The following TG variants were observed in gnomAD, a reference collection of about 807,000 sequenced individuals.
The protein encoded by TG is thyroid hormones.
In TG, 270 loss-of-function variants were observed where a neutral mutation model predicts 324.7. The ratio of observed to expected loss-of-function variants is 0.83; its 90% confidence interval spans 0.75 to 0.92. TG has a LOEUF of 0.92. Ranked by LOEUF, TG falls within the 40% of genes least tolerant of loss-of-function variation. The pLI, the probability that TG is intolerant of heterozygous loss-of-function variation, is 0.00. For missense variants in TG, 3,591 were observed against 3,456.4 expected, an observed-to-expected ratio of 1.04 and a Z score of -0.98; for synonymous variants, 1,401 against 1,327.0, an observed-to-expected ratio of 1.06 and a Z score of -1.21.
chr8:132,982,316 G>A (rs1413933929), intron 34 of TG, among the ~76,000 whole-genome samples: 4 of 152,150 alleles, frequency 2.6e-5, no homozygotes, highest in South Asian at 2.1e-4. Context: ...CTACATTGCC[G>A]CAGCTCCCTG....
Position 132,969,457 on chromosome 8 carries a change from G to A in TG, c.5864-1G>A, listed in dbSNP as rs202044661. ...TGTATTTTCTTTCTTCCTCTATGAAGTTATACTGGAAGATAAAGTGAAGAA... is the reference window on the plus strand; with the variant it reads ...TGTATTTTCTTTCTTCCTCTATGAAATTATACTGGAAGATAAAGTGAAGAA... On this transcript the variant is annotated splice_acceptor_variant, in intron 31 of 47. Transcript: ENST00000220616. LOFTEE classifies it high-confidence loss of function. The A allele has an allele frequency of 4.4e-6, 7 of 1,600,410 alleles. No individual in the cohort carries two copies. Among genetic ancestry groups the A allele is most frequent in the Non-Finnish European group, 5.1e-6 (6 of 1,167,762 alleles).
intron 16 of TG, 56 bp from the exon 17 acceptor site, chr8:132,906,632 T>C: frequency 1.3e-6 from 2 of 1,599,828 alleles, no homozygotes; most frequent in Non-Finnish European, 1.7e-6. Flanking sequence ...GCAGGCATGC[T>C]CAGTCGTCCC....
intron 40 of TG, among the ~76,000 whole-genome samples, chr8:133,028,398 G>T (rs560760299): frequency 1.1e-4 from 17 of 152,348 alleles, no homozygotes; most frequent in African/African-American, 3.8e-4. Flanking sequence ...CATCTCCACA[G>T]CTGGAAGAAT....
At chr8:133,068,999 A>G (rs1843537398) in intron 41 of TG, among the ~76,000 whole-genome samples, 1 of 152,266 alleles carries the variant, frequency 6.6e-6, no homozygotes, top group Non-Finnish European at 1.5e-5. Context: ...TTGGCAATGA[A>G]GAAAGAGTGG....
chr8:133,047,972 G>T, intron 41 of TG: 1 of 1,317,692 alleles, frequency 7.6e-7, no homozygotes, highest in Non-Finnish European at 1.1e-6. Flanking sequence ...TCCGGAACAA[G>T]CCCTCCCCCA....
At chr8:132,929,537 A>G (rs930894757) in intron 23 of TG, among the ~76,000 whole-genome samples, 6 of 152,194 alleles carry the variant, frequency 3.9e-5, no homozygotes, top group Admixed American at 3.3e-4. Flanking sequence ...TTATTGAGCA[A>G]TGTATGTTTA....
chr8:133,127,366 C>T (rs1305441472), intron 45 of TG, among the ~76,000 whole-genome samples: 3 of 152,180 alleles, frequency 2.0e-5, no homozygotes, highest in African/African-American at 7.2e-5. Context: ...CAGGCTTAGC[C>T]TCCCTGCAGG....
At chr8:133,090,753 C>A (rs887884737) in intron 41 of TG, among the ~76,000 whole-genome samples, 1 of 152,198 alleles carries the variant, frequency 6.6e-6, no homozygotes, top group African/African-American at 2.4e-5. Flanking sequence ...AGGTTAGGAA[C>A]TGGAAGCTCA....
chr8:132,900,118 C>A (rs964733406), intron 14 of TG, 119 bp from the exon 15 acceptor site: 27 of 800,542 alleles, frequency 3.4e-5, no homozygotes, highest in African/African-American at 3.2e-4. Flanking sequence ...CACATCTCTC[C>A]GTCTGGAGAA....
intron 10 of TG, among the ~76,000 whole-genome samples, chr8:132,892,955 G>GTGTACTGTGTGGTGTGTA (rs1193345970): frequency 6.7e-6 from 1 of 148,590 alleles, no homozygotes; most frequent in African/African-American, 2.5e-5. Flanking sequence ...ATGCATGTGT[G>GTGTACTGTGTGGTGTGTA]TGTACTGTGT....
intron 34 of TG, among the ~76,000 whole-genome samples, chr8:132,979,739 A>G (rs1012618190): frequency 5.9e-5 from 9 of 152,174 alleles, no homozygotes; most frequent in Admixed American, 2.6e-4. Context: ...AACATTTCTG[A>G]TACCACATCT....
chr8:133,006,461 C>T (rs528639915), intron 35 of TG, among the ~76,000 whole-genome samples: 16 of 152,314 alleles, frequency 1.1e-4, no homozygotes, highest in South Asian at 8.3e-4. Flanking sequence ...CTACGATGGA[C>T]GGGTAAGAAT....
At chr8:133,120,171 G>A (rs1455351692) in intron 45 of TG, among the ~76,000 whole-genome samples, 1 of 152,130 alleles carries the variant, frequency 6.6e-6, no homozygotes, top group Non-Finnish European at 1.5e-5. Context: ...CACATGTAAG[G>A]TAGAGATTAC....
At chr8:132,870,891 A>C (rs1839425242) in intron 3 of TG, among the ~76,000 whole-genome samples, 2 of 152,308 alleles carry the variant, frequency 1.3e-5, no homozygotes, top group South Asian at 4.1e-4. Context: ...TAAGGGATCC[A>C]CTTCCAGGAC....
chr8:133,042,133 C>T (rs1255962229), intron 41 of TG, among the ~76,000 whole-genome samples: 2 of 151,956 alleles, frequency 1.3e-5, no homozygotes, highest in South Asian at 2.1e-4. Context: ...CTGAGCATCC[C>T]GAGATGAAGT....
intron 35 of TG, among the ~76,000 whole-genome samples, chr8:132,985,774 T>C (rs1831445816): frequency 6.6e-6 from 1 of 152,156 alleles, no homozygotes. Context: ...ACTGGGGCAC[T>C]GCTTGTTCCT....
chr8:132,955,378 A>G (rs1383466155), intron 27 of TG, among the ~76,000 whole-genome samples: 1 of 152,172 alleles, frequency 6.6e-6, no homozygotes, highest in African/African-American at 2.4e-5. Flanking sequence ...CAGAACCAAT[A>G]CTATTCTCAC....
At chr8:133,039,126 A>T (rs1017928542) in intron 41 of TG, among the ~76,000 whole-genome samples, 1 of 152,114 alleles carries the variant, frequency 6.6e-6, no homozygotes, top group Non-Finnish European at 1.5e-5. Flanking sequence ...TGATCTGCCC[A>T]CCTCAGCCTC....
At chr8:132,967,205 ACCATCCAT>A (rs370535189) in intron 30 of TG, among the ~76,000 whole-genome samples, 13 of 101,268 alleles carry the variant, frequency 1.3e-4, no homozygotes, top group East Asian at 8.5e-4. Flanking sequence ...ATCCCATCCA[ACCATCCAT>A]CCATCCATCC....
Sources: gnomAD v4.1 joint callset for allele counts (sites outside exome capture counted in the v4.1 genomes callset) on GRCh38, gnomAD v4.1.1 for gene constraint, MANE v1.5 for transcripts, NCBI Gene and HGNC (gene_info 2026-07-23, HGNC 2026-07-21) for gene names.